The following UCHL3 variants were observed in gnomAD, a reference collection of about 807,000 sequenced individuals.
UCHL3 encodes ubiquitin C-terminal hydrolase L3.
In UCHL3, 22 loss-of-function variants were observed where a neutral mutation model predicts 35.8. The ratio of observed to expected loss-of-function variants is 0.61; its 90% CI spans 0.44 to 0.88. The LOEUF (loss-of-function observed/expected upper bound fraction) is 0.88. Among genes scored for constraint, UCHL3 ranks in the 40% least tolerant of loss-of-function variants. The probability of loss-of-function intolerance (pLI) is 0.00; values close to 1 mark genes in which losing one functional copy is unlikely to be tolerated. For synonymous variants in UCHL3, 90 were observed against 92.8 expected, an observed-to-expected ratio of 0.97 and a Z score of 0.17; for missense variants, 229 against 276.9, an observed-to-expected ratio of 0.83 and a Z score of 1.23.
At chr13:75,595,716 G>T (rs1156807797) in intron 7 of UCHL3, among the ~76,000 whole-genome samples, 1 of 150,136 alleles carries the variant, frequency 6.7e-6, no homozygotes, top group Non-Finnish European at 1.5e-5. Context: ...CTTTACAGGA[G>T]CCTTTGTTTT....
chr13:75,588,611 A>T (rs933552507), intron 6 of UCHL3, among the ~76,000 whole-genome samples: 2 of 152,178 alleles, frequency 1.3e-5, no homozygotes, highest in Non-Finnish European at 2.9e-5. Context: ...CATCAAAATG[A>T]TAGCTTTTTT....
At chr13:75,569,358 TTC>T in intron 5 of UCHL3, 100 bp from the exon 6 acceptor site, 1 of 831,760 alleles carries the variant, frequency 1.2e-6, no homozygotes, top group Non-Finnish European at 1.9e-6. Flanking sequence ...AATTTGTTGT[TTC>T]TTTAGAAGAC....
At chr13:75,571,683 A>C (rs1037152402) in intron 6 of UCHL3, among the ~76,000 whole-genome samples, 1 of 152,054 alleles carries the variant, frequency 6.6e-6, no homozygotes, top group Non-Finnish European at 1.5e-5. Flanking sequence ...AAATTTTTCT[A>C]GGGGTTTCCT....
rs1326760244 is a variant in UCHL3, at chr13:75,569,450, C to G, written c.427-10C>G. On this transcript the variant is annotated splice_polypyrimidine_tract_variant and intron_variant, in intron 5 of 8. Transcript: ENST00000377595. Reference sequence around the variant, plus strand: ...ATTTTTTCCAATGAATACCTTTATTCTTATTACAGGCCATCCGAGTTACTC... The same window carrying G: ...ATTTTTTCCAATGAATACCTTTATTGTTATTACAGGCCATCCGAGTTACTC... 6.2e-7 allele frequency: 1 copy of G among 1,602,524 alleles called. No homozygotes were observed. Among genetic ancestry groups the G allele is most frequent in the South Asian group, 1.1e-5 (1 of 87,264 alleles).
chr13:75,598,797 C>G (rs144907575), intron 7 of UCHL3, among the ~76,000 whole-genome samples: 166 of 152,240 alleles, frequency 1.1e-3, no homozygotes, highest in Non-Finnish European at 1.9e-3. Context: ...GCTCATCAAG[C>G]TTTTATCCTC....
At chr13:75,579,473 T>C (rs2032118315) in intron 6 of UCHL3, among the ~76,000 whole-genome samples, 1 of 152,026 alleles carries the variant, frequency 6.6e-6, no homozygotes, top group Admixed American at 6.6e-5. Context: ...CTCTCTTCTA[T>C]CTTTTTTTGT....
chr13:75,596,553 A>G (rs142309264), intron 7 of UCHL3, among the ~76,000 whole-genome samples: 32 of 152,340 alleles, frequency 2.1e-4, no homozygotes, highest in African/African-American at 7.2e-4. Context: ...AACTTCAAGA[A>G]AGTAGATTTG....
At chr13:75,597,652 AGAGT>A (rs1326802411) in intron 7 of UCHL3, among the ~76,000 whole-genome samples, 1 of 152,228 alleles carries the variant, frequency 6.6e-6, no homozygotes, top group Non-Finnish European at 1.5e-5. Context: ...CCATTTAGGT[AGAGT>A]ATGTCAAGGG....
chr13:75,549,682 G>T, upstream of UCHL3: 2 of 1,004,212 alleles, frequency 2.0e-6, no homozygotes, highest in Non-Finnish European at 2.8e-6. Context: ...TGAGAGGCCC[G>T]TCAAACTCTT....
At chr13:75,560,954 A>G in intron 3 of UCHL3, 73 bp downstream of exon 3, 2 of 1,373,764 alleles carry the variant, frequency 1.5e-6, no homozygotes, top group Non-Finnish European at 1.9e-6. Context: ...TTTTTGAGGC[A>G]GTATCTCGCT....
At chr13:75,574,413 C>G (rs2031960077) in intron 6 of UCHL3, among the ~76,000 whole-genome samples, 1 of 151,996 alleles carries the variant, frequency 6.6e-6, no homozygotes, top group Admixed American at 6.6e-5. Context: ...GGAAATAGGC[C>G]TTGTTTGTCT....
At chr13:75,593,853 A>G (rs2032575071) in intron 6 of UCHL3, among the ~76,000 whole-genome samples, 1 of 152,220 alleles carries the variant, frequency 6.6e-6, no homozygotes, top group South Asian at 2.1e-4. Context: ...AAAACTTCAT[A>G]TTACAACTAC....
At chr13:75,597,818 A>G (rs968131671) in intron 7 of UCHL3, among the ~76,000 whole-genome samples, 6 of 152,190 alleles carry the variant, frequency 3.9e-5, no homozygotes, top group Admixed American at 6.5e-5. Flanking sequence ...GGATATCTAT[A>G]TTTAACAGAG....
chr13:75,591,785 G>A (rs536636551), intron 6 of UCHL3, among the ~76,000 whole-genome samples: 2 of 152,170 alleles, frequency 1.3e-5, no homozygotes, highest in Admixed American at 6.5e-5. Flanking sequence ...ATTATATTAC[G>A]TACCTTATTG....
chr13:75,562,632 T>A (rs1243677202), intron 3 of UCHL3, among the ~76,000 whole-genome samples: 2 of 152,106 alleles, frequency 1.3e-5, no homozygotes, highest in Non-Finnish European at 2.9e-5. Flanking sequence ...AACCATTGAT[T>A]TTTTATGACT....
At chr13:75,563,301 G>T (rs559268012) in intron 3 of UCHL3, among the ~76,000 whole-genome samples, 1 of 152,214 alleles carries the variant, frequency 6.6e-6, no homozygotes, top group South Asian at 2.1e-4. Flanking sequence ...TCAGTCTCTG[G>T]AGTAGCTGGG....
intron 2 of UCHL3, among the ~76,000 whole-genome samples, chr13:75,552,826 C>T (rs2031158920): frequency 6.6e-6 from 1 of 152,122 alleles, no homozygotes; most frequent in Admixed American, 6.5e-5. Context: ...TATGACCGTA[C>T]TAAATCTTCA....
intron 6 of UCHL3, among the ~76,000 whole-genome samples, chr13:75,590,456 T>G (rs1233151841): frequency 6.6e-6 from 1 of 152,242 alleles, no homozygotes; most frequent in Non-Finnish European, 1.5e-5. Flanking sequence ...TTCAGCTTTC[T>G]GAATTCATTT....
chr13:75,594,309 C>A (rs1303995286), intron 6 of UCHL3, among the ~76,000 whole-genome samples: 1 of 151,982 alleles, frequency 6.6e-6, no homozygotes, highest in African/African-American at 2.4e-5. Flanking sequence ...ATCTTTTTTC[C>A]CTTCCTTTTA....
Sources: gnomAD v4.1 joint callset for allele counts (sites outside exome capture counted in the v4.1 genomes callset) on GRCh38, gnomAD v4.1.1 for gene constraint, MANE v1.5 for transcripts, NCBI Gene and HGNC (gene_info 2026-07-23, HGNC 2026-07-21) for gene names.